The following SPATA17 variants were observed in gnomAD, a reference collection of about 807,000 sequenced individuals.
The protein encoded by SPATA17 is spermatogenesis-associated protein 17.
Under a neutral mutation model 62.2 loss-of-function variants are expected in SPATA17, and 53 were observed. That is an observed-to-expected ratio of 0.85 (90% CI 0.68 to 1.07). The LOEUF (loss-of-function observed/expected upper bound fraction) is 1.07, where lower values mean the gene tolerates loss of function less well. SPATA17 is among the 50% of genes least tolerant of loss of function. The pLI is 0.00. For synonymous variants in SPATA17, 146 were observed against 146.8 expected, an observed-to-expected ratio of 0.99 and a Z score of 0.04; for missense variants, 466 against 425.5, an observed-to-expected ratio of 1.10 and a Z score of -0.84.
At chr1:217,714,515 T>C in intron 5 of SPATA17, among the ~76,000 whole-genome samples, 1 of 139,354 alleles carries the variant, frequency 7.2e-6, no homozygotes, top group Non-Finnish European at 1.5e-5. Flanking sequence ...GACAGAGTCT[T>C]GCTCTGTTGC....
intron 5 of SPATA17, among the ~76,000 whole-genome samples, chr1:217,703,073 A>C (rs1034519916): frequency 6.6e-6 from 1 of 151,398 alleles, no homozygotes; most frequent in Non-Finnish European, 1.5e-5. Flanking sequence ...ACGGGGCTTC[A>C]CCATGTTGGC....
chr1:217,717,675 C>T (rs142625307), intron 5 of SPATA17, among the ~76,000 whole-genome samples: 381 of 152,100 alleles, frequency 2.5e-3, no homozygotes, highest in Middle Eastern at 0.01. Context: ...CCCATCTTCT[C>T]TACCATGTGA....
chr1:217,852,469 C>T (rs564703172), intron 9 of SPATA17, among the ~76,000 whole-genome samples: 6 of 152,224 alleles, frequency 3.9e-5, no homozygotes, highest in African/African-American at 7.2e-5. Context: ...GAAATCAATG[C>T]ATGTTGTGTG....
At chr1:217,819,769 T>C (rs1264155604) in intron 9 of SPATA17, among the ~76,000 whole-genome samples, 1 of 152,056 alleles carries the variant, frequency 6.6e-6, no homozygotes, top group Non-Finnish European at 1.5e-5. Context: ...GTGTCATGTA[T>C]AGTTTTTTTG....
In SPATA17 at chr1:217,635,387, GCC is replaced by G. The variant is rs1669914243; in HGVS notation, c.68+3943_68+3944del. ...TTTATATTAGTTCCACAAGGTGGGGGCCCTTTAGGTCTTAGGTAGATTTAAAA... is the reference window on the plus strand; with the variant it reads ...TTTATATTAGTTCCACAAGGTGGGGGCTTTAGGTCTTAGGTAGATTTAAAA... On this transcript the variant is annotated intron_variant, in intron 1 of 10. Coordinates refer to ENST00000366933, the MANE Select transcript of SPATA17 (RefSeq NM_138796.4). 3.3e-5 allele frequency among the ~76,000 whole-genome samples: 5 copies of G among 152,192 alleles called. 1 individual carries two copies. The highest frequency in any genetic ancestry group is 3.3e-4 in the Admixed American group (5 of 15,274).
chr1:217,687,515 C>A (rs1376511219), intron 5 of SPATA17, among the ~76,000 whole-genome samples: 1 of 152,114 alleles, frequency 6.6e-6, no homozygotes, highest in Non-Finnish European at 1.5e-5. Flanking sequence ...TAATACTATA[C>A]TTTTACTGTA....
intron 9 of SPATA17, among the ~76,000 whole-genome samples, chr1:217,848,240 C>G (rs1675571557): frequency 6.6e-6 from 1 of 152,152 alleles, no homozygotes; most frequent in South Asian, 2.1e-4. Context: ...TCTTTCCCTA[C>G]ATGTCCAGTC....
At chr1:217,790,853 A>G (rs1304707028) in intron 8 of SPATA17, among the ~76,000 whole-genome samples, 1 of 152,238 alleles carries the variant, frequency 6.6e-6, no homozygotes, top group Non-Finnish European at 1.5e-5. Flanking sequence ...TTTAGAAAGG[A>G]CATTTTACAA....
chr1:217,810,437 C>T lies in SPATA17; in HGVS notation c.1005+8587C>T, dbSNP rs145184555. ...AGGAGTTCGAGACCAGCCTGGCCAA[C>T]ATAGTGAAACCCCATCTCTACTAAA... On this transcript the variant is annotated intron_variant, in intron 9 of 10. Coordinates refer to ENST00000366933, the MANE Select transcript of SPATA17 (RefSeq NM_138796.4). Among the ~76,000 whole-genome samples the T allele has an allele frequency of 4.1e-4, 63 of 152,164 alleles. No individual in the cohort carries two copies. In the East Asian group the frequency reaches 0.011, roughly 26 times the overall value.
chr1:217,665,378 A>C (rs1415537038), intron 3 of SPATA17: 16 of 152,156 alleles, frequency 1.1e-4, no homozygotes, highest in Admixed American at 1.0e-3. Context: ...GATCTTAAAA[A>C]TTCAAAAAAG....
intron 7 of SPATA17, 155 bp from the exon 8 acceptor site, chr1:217,782,019 T>C: frequency 1.8e-6 from 1 of 558,928 alleles, no homozygotes; most frequent in Non-Finnish European, 2.8e-6. Context: ...AGTGATATTA[T>C]GTCATGCATA....
chr1:217,658,978 G>A (rs1023835597), intron 3 of SPATA17, among the ~76,000 whole-genome samples: 1 of 152,110 alleles, frequency 6.6e-6, no homozygotes, highest in East Asian at 1.9e-4. Flanking sequence ...CTTGACTCTG[G>A]AAGGATCTCT....
At chr1:217,735,350 C>G (rs939040810) in intron 5 of SPATA17, among the ~76,000 whole-genome samples, 1 of 151,904 alleles carries the variant, frequency 6.6e-6, no homozygotes, top group Admixed American at 6.6e-5. Context: ...TCCTTGTGTC[C>G]TCACAGAGGG....
chr1:217,688,308 GA>G (rs1671269648), intron 5 of SPATA17, among the ~76,000 whole-genome samples: 1 of 152,132 alleles, frequency 6.6e-6, no homozygotes, highest in Non-Finnish European at 1.5e-5. Context: ...ATTTAACACA[GA>G]AATTTCTGGA....
chr1:217,704,516 C>T (rs1393131969), intron 5 of SPATA17, among the ~76,000 whole-genome samples: 1 of 151,990 alleles, frequency 6.6e-6, no homozygotes, highest in Non-Finnish European at 1.5e-5. Flanking sequence ...TCCCAAAGTG[C>T]TGGGATTACA....
intron 5 of SPATA17, among the ~76,000 whole-genome samples, chr1:217,688,993 ATTTTCAC>A (rs1431377521): frequency 6.6e-6 from 1 of 152,026 alleles, no homozygotes; most frequent in African/African-American, 2.4e-5. Flanking sequence ...CTCCATTATA[ATTTTCAC>A]TTTGTCAAGC....
intron 5 of SPATA17, among the ~76,000 whole-genome samples, chr1:217,720,662 C>T (rs1453437738): frequency 6.6e-6 from 1 of 152,026 alleles, no homozygotes; most frequent in African/African-American, 2.4e-5. Context: ...AAAGAAAAGG[C>T]TAAGACTTTT....
At chr1:217,652,258 G>A (rs1374098558) in intron 3 of SPATA17, among the ~76,000 whole-genome samples, 1 of 152,182 alleles carries the variant, frequency 6.6e-6, no homozygotes, top group Non-Finnish European at 1.5e-5. Flanking sequence ...CCGAGATGGA[G>A]TCTCACTCTC....
chr1:217,848,040 A>C (rs765742959), intron 9 of SPATA17, among the ~76,000 whole-genome samples: 9 of 152,198 alleles, frequency 5.9e-5, no homozygotes, highest in Non-Finnish European at 1.2e-4. Flanking sequence ...TGTCTCAAAA[A>C]AAAAGGACAT....
Sources: allele counts gnomAD v4.1 joint callset (sites outside exome capture counted in the v4.1 genomes callset), GRCh38; gene constraint gnomAD v4.1.1; transcripts MANE v1.5; gene names NCBI Gene and HGNC (gene_info 2026-07-23, HGNC 2026-07-21).